Variants in FOXP1 observed in about 807,000 individuals in gnomAD.
FOXP1 encodes the protein forkhead box protein P1.
FOXP1 carries 15 observed loss-of-function variants against 98.2 expected under a neutral mutation model. That is an observed-to-expected ratio of 0.15 (90% CI 0.10 to 0.24). The LOEUF (loss-of-function observed/expected upper bound fraction) is 0.24, where lower values mean the gene tolerates loss of function less well. Among genes scored for constraint, FOXP1 ranks in the 10% least tolerant of loss-of-function variants. FOXP1 has a pLI of 1.00. For synonymous variants in FOXP1, 371 were observed against 314.5 expected (o/e 1.18, Z -1.90); for missense variants, 633 against 848.5 (o/e 0.75, Z 3.15).
chr3:71,536,837 A>G (rs1234563477), intron 2 of FOXP1, among the ~76,000 whole-genome samples: 1 of 152,010 alleles, frequency 6.6e-6, no homozygotes, highest in African/African-American at 2.4e-5. Context: ...ACCCCCACAG[A>G]GTGTGGTGGG....
At chr3:71,388,908 G>C (rs147269895) in intron 3 of FOXP1, among the ~76,000 whole-genome samples, 282 of 149,158 alleles carry the variant, frequency 1.9e-3, no homozygotes, top group Middle Eastern at 7.1e-3. Context: ...GTAACACACT[G>C]TACCAAGTAG....
chr3:71,219,665 C>T (rs1190845840), intron 5 of FOXP1, among the ~76,000 whole-genome samples: 1 of 152,134 alleles, frequency 6.6e-6, no homozygotes, highest in Non-Finnish European at 1.5e-5. Context: ...ATACTGATTA[C>T]AAGCTGAAAT....
At chr3:71,240,690 T>C (rs187994698) in intron 5 of FOXP1, among the ~76,000 whole-genome samples, 19,912 of 151,478 alleles carry the variant, frequency 0.13, 1,405 homozygotes, top group Non-Finnish European at 0.16. Flanking sequence ...TACAGGCGCG[T>C]GCCACCATGC....
chr3:71,354,924 A>G (rs2078050365), intron 4 of FOXP1, among the ~76,000 whole-genome samples: 1 of 152,314 alleles, frequency 6.6e-6, no homozygotes, highest in South Asian at 2.1e-4. Context: ...ACTGAATGAG[A>G]GTGTTGGGGT....
At chr3:71,485,994 A>C (rs546119240) in intron 3 of FOXP1, among the ~76,000 whole-genome samples, 2 of 152,344 alleles carry the variant, frequency 1.3e-5, no homozygotes, top group African/African-American at 4.8e-5. Flanking sequence ...CACAAAGACA[A>C]GTATAAACTA....
chr3:71,578,055 G>A (rs1230778140), intron 2 of FOXP1, among the ~76,000 whole-genome samples: 3 of 151,718 alleles, frequency 2.0e-5, no homozygotes, highest in African/African-American at 7.3e-5. Context: ...AAGGAAGAAA[G>A]GAAAAGCCCT....
intron 6 of FOXP1, chr3:71,197,917 G>A (rs773803748): frequency 1.5e-5 from 24 of 1,614,100 alleles, no homozygotes; most frequent in African/African-American, 8.0e-5. Flanking sequence ...AAATGGGGAA[G>A]GGTTAGGCTG....
intron 13 of FOXP1, among the ~76,000 whole-genome samples, chr3:70,998,903 TAACAATGGCTG>T (rs368214831): frequency 1.5e-4 from 23 of 152,290 alleles, no homozygotes; most frequent in African/African-American, 5.5e-4. Flanking sequence ...CTTGAGTAAT[TAACAATGGCTG>T]AACACTCTAA....
intron 3 of FOXP1, among the ~76,000 whole-genome samples, chr3:71,428,354 G>A (rs148242851): frequency 3.9e-5 from 6 of 152,348 alleles, no homozygotes; most frequent in African/African-American, 7.2e-5. Context: ...TTTTAAAAAC[G>A]CCCTTGTTCC....
intron 4 of FOXP1, among the ~76,000 whole-genome samples, chr3:71,342,687 T>TAAA (rs35486757): frequency 3.4e-4 from 49 of 145,880 alleles, no homozygotes; most frequent in Middle Eastern, 3.6e-3. Flanking sequence ...AGACTCCGTC[T>TAAA]AAAAAAAAAA....
intron 4 of FOXP1, chr3:71,333,984 A>G (rs2076512090): frequency 6.6e-6 from 1 of 152,204 alleles, no homozygotes; most frequent in Admixed American, 6.5e-5. Context: ...GATACAACAA[A>G]TAACGCTTTA....
intron 2 of FOXP1, among the ~76,000 whole-genome samples, chr3:71,576,575 T>C (rs982238178): frequency 1.3e-5 from 2 of 152,190 alleles, no homozygotes; most frequent in Non-Finnish European, 2.9e-5. Context: ...GAATCGAATA[T>C]AAATTTTGTT....
chr3:71,533,713 A>G lies in FOXP1; in HGVS notation c.-297-40158T>C, dbSNP rs2044051963. On this transcript the variant is annotated intron_variant, in intron 2 of 20. Coordinates refer to ENST00000649528, the MANE Select transcript of FOXP1 (RefSeq NM_001349338.3). ...GGGCAATAGCAAAGATTGGGATGAC[A>G]TGCAAAACATCCTCCAGACAAATTT... Among the ~76,000 whole-genome samples the G allele has an allele frequency of 2.0e-5, 3 of 152,330 alleles. No homozygotes were observed. In the South Asian group the frequency reaches 6.2e-4, roughly 32 times the overall value.
rs1381625053 is a variant in FOXP1 at position 71,400,141 on chromosome 3, TA to T, written c.-167-40898del. 2.0e-5 allele frequency among the ~76,000 whole-genome samples: 3 copies of T among 151,656 alleles called. 1 individual carries two copies. In the South Asian group the frequency reaches 6.2e-4, roughly 32 times the overall value. On this transcript the variant is annotated intron_variant, in intron 3 of 20. Coordinates refer to ENST00000649528, the MANE Select transcript of FOXP1 (RefSeq NM_001349338.3). ...TGGGAGGGTTTGGGGCTGAACCCAT[TA>T]AAAAAAAATTTTGGCAAGTAGGTAA...
At chr3:71,068,658 T>A (rs1379784056) in intron 7 of FOXP1, among the ~76,000 whole-genome samples, 5 of 152,196 alleles carry the variant, frequency 3.3e-5, no homozygotes, top group African/African-American at 1.2e-4. Context: ...CAACACACAT[T>A]TTCTTTCCCC....
At chr3:71,320,427 G>A (rs142134206) in intron 4 of FOXP1, among the ~76,000 whole-genome samples, 144 of 151,788 alleles carry the variant, frequency 9.5e-4, no homozygotes, top group African/African-American at 2.6e-3. Context: ...TCTCTAAGCC[G>A]CTGCACAGAT....
At chr3:71,060,060 G>A (rs1301861450) in intron 7 of FOXP1, among the ~76,000 whole-genome samples, 3 of 152,076 alleles carry the variant, frequency 2.0e-5, no homozygotes, top group Non-Finnish European at 2.9e-5. Context: ...TAAATTTGTA[G>A]CTCTGCTTTC....
At chr3:70,976,324 G>GA (rs111837671) in intron 17 of FOXP1, among the ~76,000 whole-genome samples, 14 of 152,100 alleles carry the variant, frequency 9.2e-5, no homozygotes, top group African/African-American at 3.4e-4. Flanking sequence ...AAAGTGCTGG[G>GA]ATTATAGGCA....
intron 6 of FOXP1, among the ~76,000 whole-genome samples, chr3:71,167,458 G>C (rs748728950): frequency 3.3e-5 from 5 of 152,156 alleles, no homozygotes. Flanking sequence ...TTTTCAGAGA[G>C]CTTTTCTGAT....
Sources: gnomAD v4.1 joint callset for allele counts (sites outside exome capture counted in the v4.1 genomes callset) on GRCh38, gnomAD v4.1.1 for gene constraint, MANE v1.5 for transcripts, NCBI Gene and HGNC (gene_info 2026-07-23, HGNC 2026-07-21) for gene names.